KCND3: variants seen among roughly 807,000 people sequenced by gnomAD.
The protein encoded by KCND3 is potassium voltage-gated channel subfamily D member 3.
A neutral mutation model predicts 51.1 loss-of-function variants in KCND3; 9 were observed. That is an observed-to-expected ratio of 0.18 (90% CI 0.11 to 0.31). The LOEUF (loss-of-function observed/expected upper bound fraction) is 0.31. Ranked by LOEUF, KCND3 falls within the 10% of genes least tolerant of loss-of-function variation. KCND3 has a pLI of 1.00. For missense variants in KCND3, 526 were observed against 903.8 expected, an observed-to-expected ratio of 0.58 and a Z score of 5.36; for synonymous variants, 349 against 368.0, an observed-to-expected ratio of 0.95 and a Z score of 0.59.
At chr1:111,827,372 A>T (rs914015508) in intron 2 of KCND3, among the ~76,000 whole-genome samples, 6 of 152,204 alleles carry the variant, frequency 3.9e-5, no homozygotes, top group African/African-American at 1.4e-4. Context: ...GACCCCCAGC[A>T]CTTGGTCCCT....
intron 2 of KCND3, among the ~76,000 whole-genome samples, chr1:111,890,563 T>C (rs771373354): frequency 3.9e-5 from 6 of 152,184 alleles, no homozygotes; most frequent in Non-Finnish European, 8.8e-5. Context: ...AACTCTGCAG[T>C]TGGGGAAAGA....
chr1:111,859,038 T>A (rs186306527), intron 2 of KCND3, among the ~76,000 whole-genome samples: 12 of 152,196 alleles, frequency 7.9e-5, no homozygotes, highest in Admixed American at 7.9e-4. Flanking sequence ...CTCCTACTCA[T>A]GTCCAGTTTT....
At chr1:111,778,853 C>T (rs1318341474) in intron 5 of KCND3, among the ~76,000 whole-genome samples, 1 of 152,194 alleles carries the variant, frequency 6.6e-6, no homozygotes, top group Non-Finnish European at 1.5e-5. Flanking sequence ...CATTCCATCC[C>T]TTCAATGCCA....
intron 2 of KCND3, among the ~76,000 whole-genome samples, chr1:111,824,554 C>T (rs544505892): frequency 1.1e-4 from 16 of 152,126 alleles, no homozygotes; most frequent in African/African-American, 3.6e-4. Flanking sequence ...GTGTTGAAAC[C>T]GGCCCAACTG....
chr1:111,959,832 C>T (rs1673539988), intron 2 of KCND3, among the ~76,000 whole-genome samples: 1 of 152,140 alleles, frequency 6.6e-6, no homozygotes, highest in Non-Finnish European at 1.5e-5. Context: ...GCCGTGTCCC[C>T]ACCCAAATCT....
At chr1:111,969,011 T>C (rs1193788281) in intron 2 of KCND3, among the ~76,000 whole-genome samples, 1 of 152,200 alleles carries the variant, frequency 6.6e-6, no homozygotes, top group Non-Finnish European at 1.5e-5. Flanking sequence ...TCTCAGGCTT[T>C]TTTTTTTCTT....
intron 2 of KCND3, among the ~76,000 whole-genome samples, chr1:111,851,269 G>T (rs192142989): frequency 6.6e-6 from 1 of 152,288 alleles, no homozygotes; most frequent in East Asian, 1.9e-4. Context: ...CTTTCCTCTA[G>T]ATCAGGGCAG....
chr1:111,860,100 A>G (rs937326880), intron 2 of KCND3, among the ~76,000 whole-genome samples: 2 of 152,242 alleles, frequency 1.3e-5, no homozygotes, highest in African/African-American at 4.8e-5. Context: ...ACCGTCTTAG[A>G]TACTACCAAC....
intron 2 of KCND3, among the ~76,000 whole-genome samples, chr1:111,948,462 GGATA>G (rs1343307615): frequency 1.3e-5 from 2 of 152,186 alleles, no homozygotes; most frequent in African/African-American, 4.8e-5. Context: ...CCACACTTAA[GGATA>G]GAATTTATCT....
intron 2 of KCND3, among the ~76,000 whole-genome samples, chr1:111,866,263 C>CTTT (rs11399761): frequency 4.4e-4 from 24 of 54,242 alleles, no homozygotes; most frequent in African/African-American, 6.4e-4. Context: ...CTTTTCTTTT[C>CTTT]TTTTTTTTTT....
chr1:111,876,441 C>T (rs1248850830), intron 2 of KCND3, among the ~76,000 whole-genome samples: 3 of 152,196 alleles, frequency 2.0e-5, no homozygotes, highest in African/African-American at 2.4e-5. Context: ...AATTCACCTC[C>T]GAGGCCCTCT....
chr1:111,952,427 G>T (rs2101909173), intron 2 of KCND3, among the ~76,000 whole-genome samples: 1 of 152,270 alleles, frequency 6.6e-6, no homozygotes, highest in African/African-American at 2.4e-5. Flanking sequence ...TGGTGCAGGG[G>T]AATTTTGGGG....
At chr1:111,836,563 C>T (rs1308828047) in intron 2 of KCND3, among the ~76,000 whole-genome samples, 1 of 152,118 alleles carries the variant, frequency 6.6e-6, no homozygotes, top group African/African-American at 2.4e-5. Flanking sequence ...TGAGGGTGGG[C>T]TTTTTCTCTT....
At chr1:111,973,558 G>A (rs1674459544) in intron 2 of KCND3, among the ~76,000 whole-genome samples, 1 of 152,228 alleles carries the variant, frequency 6.6e-6, no homozygotes, top group Admixed American at 6.5e-5. Flanking sequence ...CAAAGAAAAT[G>A]TGGTTTGCAA....
intron 2 of KCND3, among the ~76,000 whole-genome samples, chr1:111,840,024 G>A (rs1557970625): frequency 1.3e-5 from 2 of 152,202 alleles, no homozygotes; most frequent in African/African-American, 4.8e-5. Flanking sequence ...CCAAGTTTAA[G>A]GTGCCAGCAG....
chr1:111,966,967 C>A (rs1674024585), intron 2 of KCND3, among the ~76,000 whole-genome samples: 1 of 151,772 alleles, frequency 6.6e-6, no homozygotes, highest in African/African-American at 2.4e-5. Flanking sequence ...ATGGAGAAAC[C>A]CCATCACTAC....
intron 2 of KCND3, among the ~76,000 whole-genome samples, chr1:111,940,073 G>GTTTTTTTTTTTTTT (rs61088602): frequency 2.3e-3 from 195 of 85,450 alleles, no homozygotes; most frequent in Non-Finnish European, 2.6e-3. Flanking sequence ...CTTTTTGATG[G>GTTTTTTTTTTTTTT]TTTTTTTTTT....
chr1:111,984,199 C>T (rs768570890), intron 1 of KCND3, among the ~76,000 whole-genome samples: 9 of 152,140 alleles, frequency 5.9e-5, no homozygotes, highest in East Asian at 3.9e-4. Flanking sequence ...TAATGGGAGT[C>T]GATCTTCATC....
chr1:111,981,521 T>C lies in KCND3; in HGVS notation c.1106+100A>G, dbSNP rs1176213592. On this transcript the variant is annotated intron_variant, in intron 2 of 7. Transcript: ENST00000302127. This position sits in a 1 kb window ranked among gnomAD's most constrained non-coding sequence, Gnocchi z 6.2. ...TGCCCCCAACACTTGGGTAAGGGAC[T>C]CCCTCCTCCTCTACCCATGGTGACA... 1 of 1,546,548 alleles carries C rather than the reference T, an allele frequency of 6.5e-7. No homozygotes were observed. Among genetic ancestry groups the C allele is most frequent in the Non-Finnish European group, 8.9e-7 (1 of 1,120,764 alleles).
Sources: allele counts gnomAD v4.1 joint callset (sites outside exome capture counted in the v4.1 genomes callset), GRCh38; gene constraint gnomAD v4.1.1; non-coding constraint Gnocchi (gnomAD v3.1); transcripts MANE v1.5; gene names NCBI Gene and HGNC (gene_info 2026-07-23, HGNC 2026-07-21).